The following SLC30A8 variants were observed in gnomAD, a reference collection of about 807,000 sequenced individuals.
SLC30A8 encodes the protein proton-coupled zinc antiporter SLC30A8.
A neutral mutation model predicts 36.9 loss-of-function variants in SLC30A8; 27 were observed. The observed-to-expected ratio is 0.73, with a 90% confidence interval of 0.54 to 1.01. SLC30A8 has a LOEUF of 1.01. Among genes scored for constraint, SLC30A8 ranks in the 50% least tolerant of loss-of-function variants. SLC30A8 has a pLI of 0.00. For missense variants in SLC30A8, 439 were observed against 452.0 expected (o/e 0.97, Z 0.26); for synonymous variants, 164 against 172.4 (o/e 0.95, Z 0.38).
intron 2 of SLC30A8, among the ~76,000 whole-genome samples, chr8:117,068,378 T>G (rs1341487252): frequency 6.6e-6 from 1 of 152,118 alleles, no homozygotes; most frequent in African/African-American, 2.4e-5. Flanking sequence ...AGTGAACAAA[T>G]GGGGCAAATT....
At chr8:117,004,798 A>G (rs144037075) in intron 1 of SLC30A8, among the ~76,000 whole-genome samples, 1,675 of 152,246 alleles carry the variant, frequency 0.011, 30 homozygotes, top group African/African-American at 0.038. Flanking sequence ...TCTTTTTGCT[A>G]TAATTTTCTG....
chr8:117,144,521 C>T (rs1299494107), intron 1 of SLC30A8, among the ~76,000 whole-genome samples: 1 of 152,008 alleles, frequency 6.6e-6, no homozygotes. Flanking sequence ...GGATGTGAAT[C>T]ATAGTAGTGC....
intron 2 of SLC30A8, among the ~76,000 whole-genome samples, chr8:117,107,727 TC>T (rs968530275): frequency 3.3e-5 from 5 of 151,858 alleles, no homozygotes; most frequent in African/African-American, 9.7e-5. Context: ...TAAACACAAC[TC>T]CCCCAAATCT....
intron 1 of SLC30A8, among the ~76,000 whole-genome samples, chr8:117,026,111 AGTGTTCCTTT>A (rs1198671383): frequency 6.6e-6 from 1 of 152,164 alleles, no homozygotes; most frequent in African/African-American, 2.4e-5. Context: ...CAAAGAACAA[AGTGTTCCTTT>A]AGTGAATCTT....
At chr8:117,063,587 A>C (rs1818083216) in intron 2 of SLC30A8, among the ~76,000 whole-genome samples, 1 of 152,176 alleles carries the variant, frequency 6.6e-6, no homozygotes, top group African/African-American at 2.4e-5. Flanking sequence ...ATTATAACCT[A>C]GGTTTTTAGT....
intron 1 of SLC30A8, among the ~76,000 whole-genome samples, chr8:116,956,729 A>G (rs1814219730): frequency 6.6e-6 from 1 of 152,248 alleles, no homozygotes; most frequent in South Asian, 2.1e-4. Context: ...AACTTAAATG[A>G]AGTTGAGTTC....
chr8:117,097,830 T>G (rs1252261534), intron 2 of SLC30A8, among the ~76,000 whole-genome samples: 14 of 95,758 alleles, frequency 1.5e-4, no homozygotes, highest in Non-Finnish European at 2.3e-4. Flanking sequence ...ATATATTATA[T>G]ATAATATATA....
intron 2 of SLC30A8, among the ~76,000 whole-genome samples, chr8:117,100,026 G>T (rs1384461591): frequency 6.6e-6 from 1 of 151,154 alleles, no homozygotes; most frequent in Admixed American, 6.6e-5. Flanking sequence ...TAGTCTAAAG[G>T]TACCACATCT....
chr8:116,950,980 T>A (rs1266534600), exon 1 of SLC30A8: 4 of 152,336 alleles, frequency 2.6e-5, no homozygotes, highest in African/African-American at 9.6e-5. Context: ...AGCCTGCCTG[T>A]CTAACTTTGG....
At chr8:117,148,445 G>T (rs1477990341) in intron 2 of SLC30A8, among the ~76,000 whole-genome samples, 1 of 151,978 alleles carries the variant, frequency 6.6e-6, no homozygotes, top group Non-Finnish European at 1.5e-5. Flanking sequence ...CTCTGTCAAG[G>T]ACATAATTAA....
chr8:117,119,957 A>G (rs1486766487), intron 2 of SLC30A8, among the ~76,000 whole-genome samples: 3 of 151,970 alleles, frequency 2.0e-5, no homozygotes. Flanking sequence ...ACAACATAAC[A>G]TAGATGAAAG....
chr8:117,129,338 T>G (rs1169627019), intron 2 of SLC30A8, among the ~76,000 whole-genome samples: 1 of 152,034 alleles, frequency 6.6e-6, no homozygotes, highest in Non-Finnish European at 1.5e-5. Context: ...TAAAGTGGAT[T>G]AAAAATAAAT....
At chr8:117,068,023 AGAT>A (rs1818220073) in intron 2 of SLC30A8, among the ~76,000 whole-genome samples, 1 of 152,246 alleles carries the variant, frequency 6.6e-6, no homozygotes, top group Admixed American at 6.5e-5. Context: ...GACTTTGAAC[AGAT>A]TCATTTTTTA....
At chr8:117,054,098 C>CTTTT (rs4060800) in intron 2 of SLC30A8, among the ~76,000 whole-genome samples, 4 of 124,170 alleles carry the variant, frequency 3.2e-5, no homozygotes, top group Non-Finnish European at 5.0e-5. Context: ...CTGCAAAAAT[C>CTTTT]TTTTTTTTTT....
In SLC30A8 at chr8:116,963,776, G is replaced by A. The variant is rs144673134; in HGVS notation, c.-266+12657G>A. On this transcript the variant is annotated intron_variant, in intron 1 of 10. Transcript: ENST00000427715. ...TTCATTGCTTTGGAGTGTATATCCA[G>A]GAGTGGAATTACTAGGTCACACAGT... is the stretch of plus-strand genomic sequence containing the variant. Among the ~76,000 whole-genome samples, 1,102 of 152,300 alleles carry A rather than the reference G, an allele frequency of 7.2e-3. 10 individuals are homozygous for A. The highest frequency in any genetic ancestry group is 0.025 in the African/African-American group (1,032 of 41,558).
chr8:117,128,333 A>G (rs1820994185), intron 2 of SLC30A8: 1 of 152,090 alleles, frequency 6.6e-6, no homozygotes, highest in South Asian at 2.1e-4. Flanking sequence ...TGCCACAGGA[A>G]AGGAAATAGT....
In SLC30A8 at chr8:116,970,332, C is replaced by T. The variant is rs113378515; in HGVS notation, c.-266+19213C>T. ...GAAAACAATACTGTCTTCTGGAATA[C>T]GCCCTGAAGGACCTGCCTGGGGCTG... On this transcript the variant is annotated intron_variant, in intron 1 of 10. Coordinates refer to the SLC30A8 transcript ENST00000427715. Among the ~76,000 whole-genome samples the T allele has an allele frequency of 5.1e-3, 779 of 152,228 alleles. 8 individuals are homozygous for T. The highest frequency in any genetic ancestry group is 0.017 in the African/African-American group (721 of 41,542).
At chr8:116,983,856 A>C (rs1050774020) in intron 1 of SLC30A8, among the ~76,000 whole-genome samples, 1 of 152,070 alleles carries the variant, frequency 6.6e-6, no homozygotes, top group African/African-American at 2.4e-5. Context: ...ACATGCGCTC[A>C]TTTGTGTTTG....
intron 1 of SLC30A8, among the ~76,000 whole-genome samples, chr8:116,977,859 C>T (rs371160262): frequency 2.6e-5 from 4 of 152,174 alleles, no homozygotes; most frequent in African/African-American, 7.2e-5. Context: ...CCTGTTTTGC[C>T]TGGCAATGAA....
Sources: gnomAD v4.1 joint callset for allele counts (sites outside exome capture counted in the v4.1 genomes callset) on GRCh38, gnomAD v4.1.1 for gene constraint, MANE v1.5 for transcripts, NCBI Gene and HGNC (gene_info 2026-07-23, HGNC 2026-07-21) for gene names.